CCDC73: variants seen among roughly 807,000 people sequenced by gnomAD.
CCDC73 encodes coiled-coil domain containing 73, also known as coiled-coil domain-containing protein 73.
In CCDC73, 95 loss-of-function variants were observed where a neutral mutation model predicts 116.5. The ratio of observed to expected loss-of-function variants is 0.82; its 90% CI spans 0.69 to 0.97. The LOEUF is 0.97. CCDC73 is among the 50% of genes least tolerant of loss of function. The pLI is 0.00. For missense variants in CCDC73, 1,066 were observed against 1,206.8 expected (o/e 0.88, Z 1.73); for synonymous variants, 398 against 401.3 (o/e 0.99, Z 0.10).
At chr11:32,760,432 T>A (rs968020777) in intron 1 of CCDC73, among the ~76,000 whole-genome samples, 174 bp from the exon 2 acceptor site, 3 of 152,090 alleles carry the variant, frequency 2.0e-5, no homozygotes, top group Non-Finnish European at 4.4e-5. Context: ...TTAGCAAAAA[T>A]GGTATTATTC....
At chr11:32,608,089 A>G (rs1008060417) in intron 17 of CCDC73, among the ~76,000 whole-genome samples, 22 of 152,166 alleles carry the variant, frequency 1.4e-4, no homozygotes, top group African/African-American at 3.9e-4. Context: ...TGTGAGACCA[A>G]TTGTAATTCA....
chr11:32,647,055 C>T (rs766753849), intron 12 of CCDC73, among the ~76,000 whole-genome samples: 6 of 151,960 alleles, frequency 3.9e-5, no homozygotes, highest in Non-Finnish European at 5.9e-5. Context: ...TTTCATTATC[C>T]TATTTGTTTT....
chr11:32,628,465 A>G (rs1398408950), intron 14 of CCDC73, among the ~76,000 whole-genome samples: 1 of 152,194 alleles, frequency 6.6e-6, no homozygotes, highest in Non-Finnish European at 1.5e-5. Context: ...AAAGTCCATG[A>G]AGACTTGCAG....
In CCDC73 at chr11:32,607,556, C is replaced by T. The variant is rs535467276; in HGVS notation, c.3030+3576G>A. Among the ~76,000 whole-genome samples the T allele has an allele frequency of 4.6e-5, 7 of 152,288 alleles. No homozygotes were observed. In the South Asian group the frequency reaches 1.4e-3, roughly 32 times the overall value. ...CTATCTTATAAGGGTTAAGGATTCA[C>T]CCTAATTAGAAATGGATGTTTAGCT... On this transcript the variant is annotated intron_variant, in intron 17 of 17. Transcript: ENST00000335185.
Position 32,776,989 on chromosome 11 carries a change from G to GTATATATATATATA in CCDC73, c.-15-16745_-15-16732dup, listed in dbSNP as rs71063758. ...CACACACACATATATATATACACAT[G>GTATATATATATATA]TATATATATATATATATATATATAT... On this transcript the variant is annotated intron_variant, in intron 1 of 17. Coordinates refer to ENST00000335185, the MANE Select transcript of CCDC73 (RefSeq NM_001008391.4). Among the ~76,000 whole-genome samples, 59 of 101,132 alleles carry GTATATATATATATA rather than the reference G, an allele frequency of 5.8e-4. 1 individual carries two copies. The highest frequency in any genetic ancestry group is 5.8e-3 in the Middle Eastern group (1 of 172). The allele number at this position is 101,132 out of a possible 152,430, so 66.3% of individuals were successfully genotyped here. A position where few individuals can be genotyped will look rare whatever the true frequency, so the allele number is the denominator to read the frequency against.
chr11:32,704,009 G>C (rs1849834725), intron 3 of CCDC73, among the ~76,000 whole-genome samples: 1 of 152,190 alleles, frequency 6.6e-6, no homozygotes, highest in Non-Finnish European at 1.5e-5. Context: ...GAGAACAGTG[G>C]CCCATCTGGT....
intron 9 of CCDC73, among the ~76,000 whole-genome samples, chr11:32,658,024 A>C (rs1261790264): frequency 5.4e-5 from 2 of 37,224 alleles, no homozygotes; most frequent in Non-Finnish European, 1.1e-4. Flanking sequence ...TAGTCTCTTT[A>C]AAAAAAAAAA....
intron 6 of CCDC73, among the ~76,000 whole-genome samples, chr11:32,696,224 C>T (rs1047514351): frequency 4.6e-5 from 7 of 151,982 alleles, no homozygotes; most frequent in African/African-American, 1.7e-4. Context: ...TTAAGTTTTC[C>T]ATGCTTCATT....
At chr11:32,753,262 G>A (rs1429257312) in intron 2 of CCDC73, among the ~76,000 whole-genome samples, 1 of 145,638 alleles carries the variant, frequency 6.9e-6, no homozygotes, top group Non-Finnish European at 1.5e-5. Context: ...TTTGTAGAGT[G>A]TTTTTCTTTG....
chr11:32,776,898 A>G (rs2133391849), intron 1 of CCDC73, among the ~76,000 whole-genome samples: 1 of 146,218 alleles, frequency 6.8e-6, no homozygotes, highest in Admixed American at 6.9e-5. Flanking sequence ...TGAGGTTTAC[A>G]GAGTATTTCT....
intron 6 of CCDC73, among the ~76,000 whole-genome samples, chr11:32,688,948 A>T (rs1263082439): frequency 6.6e-6 from 1 of 152,216 alleles, no homozygotes; most frequent in African/African-American, 2.4e-5. Context: ...GTAATCCAGA[A>T]ACCCCTACAT....
chr11:32,780,151 GTA>G (rs1850570597), intron 1 of CCDC73, among the ~76,000 whole-genome samples: 1 of 152,062 alleles, frequency 6.6e-6, no homozygotes, highest in African/African-American at 2.4e-5. Flanking sequence ...GCACATGCCT[GTA>G]ATCTCAGCTA....
the CCDC73 span, among the ~76,000 whole-genome samples, chr11:32,806,941 A>G: frequency 1.3e-5 from 2 of 152,100 alleles, no homozygotes; most frequent in Non-Finnish European, 2.9e-5. Flanking sequence ...AGAAATGAAA[A>G]CTTAAGACAA....
chr11:32,809,084 A>G, the CCDC73 span, among the ~76,000 whole-genome samples: 2 of 152,224 alleles, frequency 1.3e-5, no homozygotes, highest in African/African-American at 4.8e-5. Context: ...GCTCATTATG[A>G]TTTTGCAGCT....
chr11:32,752,810 C>CT (rs962827862), intron 2 of CCDC73, among the ~76,000 whole-genome samples: 3 of 151,246 alleles, frequency 2.0e-5, no homozygotes, highest in African/African-American at 4.9e-5. Flanking sequence ...CTCTGCATCA[C>CT]TTTTTTTTTA....
At chr11:32,651,861 G>A (rs1284157201) in intron 12 of CCDC73, among the ~76,000 whole-genome samples, 1 of 152,122 alleles carries the variant, frequency 6.6e-6, no homozygotes, top group African/African-American at 2.4e-5. Flanking sequence ...CCTTTAGAAG[G>A]ATAGAAGTAT....
At chr11:32,766,302 A>C (rs1244635553) in intron 1 of CCDC73, among the ~76,000 whole-genome samples, 1 of 152,192 alleles carries the variant, frequency 6.6e-6, no homozygotes, top group African/African-American at 2.4e-5. Context: ...TTGATGGAAC[A>C]TATCTCAAAA....
chr11:32,669,298 T>A (rs1052826049), intron 9 of CCDC73, among the ~76,000 whole-genome samples: 10 of 152,082 alleles, frequency 6.6e-5, no homozygotes, highest in Non-Finnish European at 1.2e-4. Flanking sequence ...CAAAAGGAAA[T>A]CTTTTATGCT....
chr11:32,713,244 A>G (rs1247108531), intron 3 of CCDC73, among the ~76,000 whole-genome samples: 1 of 152,118 alleles, frequency 6.6e-6, no homozygotes, highest in Non-Finnish European at 1.5e-5. Flanking sequence ...ACTCCTTACC[A>G]GAGGTTAAAC....
Sources: allele counts gnomAD v4.1 joint callset (sites outside exome capture counted in the v4.1 genomes callset), GRCh38; gene constraint gnomAD v4.1.1; transcripts MANE v1.5; gene names NCBI Gene and HGNC (gene_info 2026-07-23, HGNC 2026-07-21).